CDH10: variants seen among roughly 807,000 people sequenced by gnomAD.
CDH10 encodes cadherin-10.
A neutral mutation model predicts 73.1 loss-of-function variants in CDH10; 30 were observed. The ratio of observed to expected loss-of-function variants is 0.41; its 90% confidence interval spans 0.31 to 0.56. The LOEUF (loss-of-function observed/expected upper bound fraction) is 0.56. Among genes scored for constraint, CDH10 ranks in the 20% least tolerant of loss-of-function variants. The pLI is 0.27. For synonymous variants in CDH10, 345 were observed against 348.2 expected (o/e 0.99, Z 0.10); for missense variants, 815 against 973.7 (o/e 0.84, Z 2.17).
chr5:24,549,784 T>A (rs1295922294), intron 2 of CDH10, among the ~76,000 whole-genome samples: 1 of 152,076 alleles, frequency 6.6e-6, no homozygotes, highest in East Asian at 1.9e-4. Context: ...ACTCCTGACC[T>A]CAGGTGAGCT....
At chr5:24,521,667 A>G (rs1432679465) in intron 5 of CDH10, among the ~76,000 whole-genome samples, 1 of 152,132 alleles carries the variant, frequency 6.6e-6, no homozygotes, top group African/African-American at 2.4e-5. Context: ...TATAACTCTA[A>G]AAAATAACTC....
chr5:24,569,760 T>C (rs1227566177), intron 2 of CDH10, among the ~76,000 whole-genome samples: 1 of 151,294 alleles, frequency 6.6e-6, no homozygotes, highest in Non-Finnish European at 1.5e-5. Flanking sequence ...TGTGAACAAA[T>C]GTGTGCTTTT....
chr5:24,550,076 A>T (rs2111946944), intron 2 of CDH10, among the ~76,000 whole-genome samples: 1 of 152,324 alleles, frequency 6.6e-6, no homozygotes, highest in East Asian at 1.9e-4. Context: ...GAATACCAGA[A>T]CAGCAAATAT....
intron 2 of CDH10, among the ~76,000 whole-genome samples, chr5:24,561,543 C>T (rs1406468976): frequency 6.6e-6 from 1 of 152,088 alleles, no homozygotes; most frequent in African/African-American, 2.4e-5. Context: ...TTCAGTTCCC[C>T]TTTCCCTCCC....
intron 5 of CDH10, among the ~76,000 whole-genome samples, chr5:24,529,431 C>T (rs1423491557): frequency 6.6e-6 from 1 of 151,856 alleles, no homozygotes; most frequent in Non-Finnish European, 1.5e-5. Context: ...CTTCCATCAC[C>T]TATAATTTAT....
At chr5:24,566,547 C>A (rs572531740) in intron 2 of CDH10, among the ~76,000 whole-genome samples, 1 of 152,012 alleles carries the variant, frequency 6.6e-6, no homozygotes, top group South Asian at 2.1e-4. Flanking sequence ...CATAATTAGA[C>A]CCCAAAGTAT....
intron 1 of CDH10, among the ~76,000 whole-genome samples, chr5:24,628,439 AGAAAAATGCTAG>A (rs1164701991): frequency 1.4e-4 from 21 of 152,144 alleles, no homozygotes; most frequent in African/African-American, 5.1e-4. Flanking sequence ...AGCACATATG[AGAAAAATGCTAG>A]GAGTGGAGAA....
At chr5:24,519,752 T>C (rs529712735) in intron 5 of CDH10, among the ~76,000 whole-genome samples, 1 of 152,320 alleles carries the variant, frequency 6.6e-6, no homozygotes, top group South Asian at 2.1e-4. Context: ...TTGATGGATG[T>C]TATATTTGAC....
chr5:24,518,434 CAGAT>C (rs1743190248), intron 5 of CDH10, among the ~76,000 whole-genome samples: 1 of 151,844 alleles, frequency 6.6e-6, no homozygotes. Flanking sequence ...TATATGCACA[CAGAT>C]AAATATATTT....
chr5:24,513,832 G>A (rs1743008625), intron 5 of CDH10, among the ~76,000 whole-genome samples: 1 of 152,064 alleles, frequency 6.6e-6, no homozygotes. Flanking sequence ...TGGCTCCCCT[G>A]TTCTCTTCCT....
chr5:24,620,950 G>A (rs1207816837), intron 1 of CDH10, among the ~76,000 whole-genome samples: 3 of 152,132 alleles, frequency 2.0e-5, no homozygotes, highest in African/African-American at 7.2e-5. Flanking sequence ...TTATCGTCAA[G>A]GTCTAACTGC....
At chr5:24,528,250 G>T (rs566888952) in intron 5 of CDH10, among the ~76,000 whole-genome samples, 6 of 151,956 alleles carry the variant, frequency 3.9e-5, no homozygotes, top group South Asian at 4.1e-4. Context: ...CAGGGAAAAA[G>T]AGACATTTTT....
chr5:24,523,615 T>TTG (rs1260323443), intron 5 of CDH10, among the ~76,000 whole-genome samples: 1 of 152,172 alleles, frequency 6.6e-6, no homozygotes, highest in Non-Finnish European at 1.5e-5. Flanking sequence ...TTCTTTGTGA[T>TTG]TGTTTGATTT....
intron 1 of CDH10, among the ~76,000 whole-genome samples, chr5:24,625,144 C>A (rs1401272494): frequency 6.6e-6 from 1 of 152,018 alleles, no homozygotes; most frequent in Non-Finnish European, 1.5e-5. Context: ...GTAACACAGG[C>A]TGAAAATATA....
chr5:24,499,236 TA>T (rs1742402941), intron 8 of CDH10: 1 of 152,650 alleles, frequency 6.6e-6, no homozygotes, highest in Non-Finnish European at 1.5e-5. Context: ...ATTTTATTAA[TA>T]TAGTTATTGC....
At chr5:24,533,515 A>C (rs1044661978) in intron 5 of CDH10, among the ~76,000 whole-genome samples, 5 of 151,988 alleles carry the variant, frequency 3.3e-5, no homozygotes, top group African/African-American at 1.2e-4. Context: ...ATTCCTGAAA[A>C]TGTAAAATAT....
chr5:24,564,004 C>T (rs1474677994), intron 2 of CDH10, among the ~76,000 whole-genome samples: 1 of 152,128 alleles, frequency 6.6e-6, no homozygotes, highest in African/African-American at 2.4e-5. Flanking sequence ...CACTTACTTG[C>T]TTTTCGGCCC....
chr5:24,611,090 T>C (rs993565286), intron 1 of CDH10, among the ~76,000 whole-genome samples: 1 of 152,188 alleles, frequency 6.6e-6, no homozygotes, highest in Non-Finnish European at 1.5e-5. Flanking sequence ...TACCTTTTTA[T>C]ACCCAGCATT....
intron 2 of CDH10, among the ~76,000 whole-genome samples, chr5:24,556,383 TG>T (rs1744768243): frequency 6.6e-6 from 1 of 152,112 alleles, no homozygotes; most frequent in Non-Finnish European, 1.5e-5. Context: ...CAAAATGAAT[TG>T]TAGTCTCTAA....
Sources: gnomAD v4.1 joint callset for allele counts (sites outside exome capture counted in the v4.1 genomes callset) on GRCh38, gnomAD v4.1.1 for gene constraint, MANE v1.5 for transcripts, NCBI Gene and HGNC (gene_info 2026-07-23, HGNC 2026-07-21) for gene names.